FMN2: variants seen among roughly 807,000 people sequenced by gnomAD.
FMN2 encodes formin 2.
A neutral mutation model predicts 142.3 loss-of-function variants in FMN2; 51 were observed. That is an observed-to-expected ratio of 0.36 (90% CI 0.29 to 0.45). FMN2 has a LOEUF of 0.45. Ranked by LOEUF, FMN2 falls within the 20% of genes least tolerant of loss-of-function variation. FMN2 has a pLI of 1.00. For synonymous variants in FMN2, 882 were observed against 869.8 expected (o/e 1.01, Z -0.25); for missense variants, 1,936 against 2,122.8 (o/e 0.91, Z 1.73).
chr1:240,153,483 T>C (rs1490671797), intron 2 of FMN2, among the ~76,000 whole-genome samples: 1 of 148,696 alleles, frequency 6.7e-6, no homozygotes, highest in Non-Finnish European at 1.5e-5. Flanking sequence ...CCTAAACCTC[T>C]CTAGTAGCTG....
Position 240,211,071 on chromosome 1 carries a change from GTTCT to G in FMN2, c.3921-17_3921-14del, listed in dbSNP as rs971273074. 6.3e-7 allele frequency: 1 copy of G among 1,583,078 alleles called. No individual in the cohort carries two copies. Among genetic ancestry groups the G allele is most frequent in the African/African-American group, 1.4e-5 (1 of 72,738 alleles). ...AGTTCAGTTTGATGGCTGTTTTATTGTTCTTTTGCTTAATTTTAGAGACTCCAGT... is the reference window on the plus strand; with the variant it reads ...AGTTCAGTTTGATGGCTGTTTTATTGTTTGCTTAATTTTAGAGACTCCAGT... On this transcript the variant is annotated splice_polypyrimidine_tract_variant and intron_variant, in intron 5 of 17. Coordinates refer to ENST00000319653, the MANE Select transcript of FMN2 (RefSeq NM_020066.5).
In FMN2 at chr1:240,208,737, C is replaced by T. The variant is rs1448324555; in HGVS notation, c.3920+5C>T. On this transcript the variant is annotated splice_donor_5th_base_variant and intron_variant, in intron 5 of 17. Transcript: ENST00000319653. ...GATTCAACTACATAGTAAAAGGTAA[C>T]ATGAAAGTGAGCTCGTCTTTGCACA... 1 of 1,600,636 alleles carries T rather than the reference C, an allele frequency of 6.2e-7. No homozygotes were observed. Among genetic ancestry groups the T allele is most frequent in the East Asian group, 2.2e-5 (1 of 44,562 alleles).
chr1:240,403,852 G>A (rs1251664644), intron 15 of FMN2, among the ~76,000 whole-genome samples: 1 of 152,116 alleles, frequency 6.6e-6, no homozygotes, highest in Non-Finnish European at 1.5e-5. Flanking sequence ...TATTCTTAAA[G>A]AGAATACACT....
intron 8 of FMN2, among the ~76,000 whole-genome samples, chr1:240,311,910 T>C (rs552686821): frequency 6.6e-6 from 1 of 152,282 alleles, no homozygotes; most frequent in South Asian, 2.1e-4. Flanking sequence ...ACTACAGCCT[T>C]GAACTGCTGA....
chr1:240,167,892 C>T (rs1040568370), intron 2 of FMN2, among the ~76,000 whole-genome samples: 2 of 151,988 alleles, frequency 1.3e-5, no homozygotes, highest in African/African-American at 4.8e-5. Context: ...GCCTGGACAA[C>T]ATGGTGAAAC....
intron 8 of FMN2, among the ~76,000 whole-genome samples, chr1:240,304,060 G>A (rs1670294862): frequency 6.6e-6 from 1 of 151,190 alleles, no homozygotes; most frequent in Non-Finnish European, 1.5e-5. Flanking sequence ...TATTAATATT[G>A]CCATTTTGTC....
chr1:240,153,751 G>T (rs1663885756), intron 2 of FMN2, among the ~76,000 whole-genome samples: 1 of 152,096 alleles, frequency 6.6e-6, no homozygotes, highest in East Asian at 1.9e-4. Context: ...AAGCCCAGAA[G>T]TTGCCTCATT....
rs551926558 is a variant in FMN2, at chr1:240,452,509, A to G, written c.5060+14299A>G. On this transcript the variant is annotated intron_variant, in intron 16 of 17. Coordinates refer to ENST00000319653, the MANE Select transcript of FMN2 (RefSeq NM_020066.5). Reference sequence around the variant, plus strand: ...ATCAGAAATAAAAGTGTATTCCTAGATCTTAACTTTACGAGACGGGTTTAT... The same window carrying G: ...ATCAGAAATAAAAGTGTATTCCTAGGTCTTAACTTTACGAGACGGGTTTAT... Among the ~76,000 whole-genome samples the G allele has an allele frequency of 9.9e-5, 15 of 152,012 alleles. No individual in the cohort carries two copies. In the South Asian group the frequency reaches 2.9e-3, roughly 29 times the overall value.
At chr1:240,306,528 A>G (rs368288973) in intron 8 of FMN2, among the ~76,000 whole-genome samples, 5 of 152,296 alleles carry the variant, frequency 3.3e-5, no homozygotes, top group African/African-American at 1.2e-4. Context: ...ATGTTTCTGC[A>G]TATGGAATAA....
chr1:240,234,402 A>C (rs2102854568), intron 6 of FMN2, among the ~76,000 whole-genome samples: 2 of 152,144 alleles, frequency 1.3e-5, no homozygotes, highest in East Asian at 3.9e-4. Context: ...GAGATCTTCC[A>C]GAAAAGGGAA....
Position 240,142,475 on chromosome 1 carries a change from A to ATATTTATTTATTTATTTATTTATTTATT in FMN2, c.1782+19153_1782+19154insTTATTTATTTATTTATTTATTTATTTAT, listed in dbSNP as rs142700570. 5.5e-3 allele frequency among the ~76,000 whole-genome samples: 806 copies of ATATTTATTTATTTATTTATTTATTTATT among 146,224 alleles called. 8 individuals carry two copies. The highest frequency in any genetic ancestry group is 8.3e-3 in the South Asian group (38 of 4,576). On this transcript the variant is annotated intron_variant, in intron 2 of 17. Transcript: ENST00000319653. ...TAGGACAAGTGGAGAAAACCTTTTC[A>ATATTTATTTATTTATTTATTTATTTATT]TATTTATTTATTTATTTATTTATAT...
intron 14 of FMN2, among the ~76,000 whole-genome samples, chr1:240,362,084 C>T (rs1209684455): frequency 6.6e-6 from 1 of 152,168 alleles, no homozygotes; most frequent in Non-Finnish European, 1.5e-5. Context: ...GAACATGTTT[C>T]TGGGATTGGC....
At chr1:240,366,114 T>G (rs1055824412) in intron 14 of FMN2, among the ~76,000 whole-genome samples, 1 of 152,184 alleles carries the variant, frequency 6.6e-6, no homozygotes, top group Non-Finnish European at 1.5e-5. Context: ...GGTTATATTA[T>G]AGATCTATAT....
intron 13 of FMN2, among the ~76,000 whole-genome samples, chr1:240,345,006 C>G (rs1411549388): frequency 2.0e-5 from 3 of 152,106 alleles, no homozygotes; most frequent in Non-Finnish European, 2.9e-5. Context: ...ACAAGTTTAC[C>G]ATGAGATTAT....
chr1:240,262,351 C>G (rs146214861), intron 7 of FMN2, among the ~76,000 whole-genome samples: 141 of 152,234 alleles, frequency 9.3e-4, no homozygotes, highest in Non-Finnish European at 1.3e-3. Flanking sequence ...TATATCTTGT[C>G]AGCTCTTTGA....
intron 6 of FMN2, among the ~76,000 whole-genome samples, chr1:240,235,133 A>T (rs1305213533): frequency 5.9e-5 from 9 of 152,150 alleles, no homozygotes; most frequent in African/African-American, 2.2e-4. Context: ...CCTCTACTTT[A>T]GTTTTTTGGC....
intron 15 of FMN2, among the ~76,000 whole-genome samples, chr1:240,417,825 C>G (rs1674627668): frequency 1.3e-5 from 2 of 152,138 alleles, no homozygotes; most frequent in Admixed American, 1.3e-4. Flanking sequence ...TACATCATTA[C>G]TAATTTGTAG....
At chr1:240,169,563 C>T (rs886588523) in intron 2 of FMN2, among the ~76,000 whole-genome samples, 2 of 152,148 alleles carry the variant, frequency 1.3e-5, no homozygotes, top group Non-Finnish European at 2.9e-5. Flanking sequence ...TCCCCCCGGG[C>T]TCATGCATTC....
At chr1:240,243,131 A>G (rs1667968066) in intron 6 of FMN2, among the ~76,000 whole-genome samples, 1 of 149,058 alleles carries the variant, frequency 6.7e-6, no homozygotes, top group African/African-American at 2.5e-5. Flanking sequence ...GAGTAGACCG[A>G]AAAAAAAAAC....
Sources: allele counts gnomAD v4.1 joint callset (sites outside exome capture counted in the v4.1 genomes callset), GRCh38; gene constraint gnomAD v4.1.1; transcripts MANE v1.5; gene names NCBI Gene and HGNC (gene_info 2026-07-23, HGNC 2026-07-21).